Variants in PGD observed in about 807,000 individuals in gnomAD.
PGD encodes phosphogluconate dehydrogenase, also known as 6-phosphogluconate dehydrogenase, decarboxylating.
In PGD, 21 loss-of-function variants were observed where a neutral mutation model predicts 60.4. That is an observed-to-expected ratio of 0.35 (90% CI 0.25 to 0.50). The LOEUF (loss-of-function observed/expected upper bound fraction) is 0.50, where lower values mean the gene tolerates loss of function less well. PGD is among the 20% of genes least tolerant of loss of function. The pLI, the probability that PGD is intolerant of heterozygous loss-of-function variation, is 0.98. For synonymous variants in PGD, 230 were observed against 235.9 expected, an observed-to-expected ratio of 0.97 and a Z score of 0.23; for missense variants, 477 against 613.1, an observed-to-expected ratio of 0.78 and a Z score of 2.34.
At chr1:10,405,448 A>G (rs1410424279) in intron 5 of PGD, among the ~76,000 whole-genome samples, 1 of 151,578 alleles carries the variant, frequency 6.6e-6, no homozygotes, top group African/African-American at 2.4e-5. Flanking sequence ...AATTGTGGGC[A>G]ATCCGATATA....
rs70997229 is a variant in PGD at position 10,420,389 on chromosome 1, CTTTTTTTT to C, written c.*657_*664del. Among the ~76,000 whole-genome samples, 5 of 75,060 alleles carry C rather than the reference CTTTTTTTT, an allele frequency of 6.7e-5. No individual in the cohort carries two copies. The highest frequency in any genetic ancestry group is 6.2e-4 in the South Asian group (1 of 1,618). The allele number at this position is 75,060 out of a possible 152,430, so 49.2% of individuals were successfully genotyped here. A position where few individuals can be genotyped will look rare whatever the true frequency, so the allele number is the denominator to read the frequency against. ...CACTGTAACGTGCTTTTTCTTTCGT[CTTTTTTTT>C]TTTTTTTTTTTTTTTTGCTCCTGGC... On this transcript the variant is annotated 3_prime_UTR_variant, in exon 13 of 13. Coordinates refer to ENST00000270776, the MANE Select transcript of PGD (RefSeq NM_002631.4).
At chr1:10,411,603 T>C (rs1485806158) in intron 7 of PGD, 51 bp downstream of exon 7, 2 of 1,607,814 alleles carry the variant, frequency 1.2e-6, no homozygotes, top group African/African-American at 2.7e-5. Context: ...GTGCTCACTT[T>C]GCCACAGACA....
intron 3 of PGD, among the ~76,000 whole-genome samples, chr1:10,401,391 G>A (rs1036855938): frequency 1.3e-5 from 2 of 152,130 alleles, no homozygotes; most frequent in Admixed American, 1.3e-4. Context: ...AAAAACCCAG[G>A]CACTCCCATT....
At chr1:10,417,322 A>G in intron 9 of PGD, 54 bp from the exon 10 acceptor site, 1 of 1,549,442 alleles carries the variant, frequency 6.5e-7, no homozygotes, top group East Asian at 2.3e-5. Context: ...TGGTAGACAT[A>G]AGGCGGTCAC....
At chr1:10,412,793 GCA>G (rs1639520843) in intron 7 of PGD, 2 of 386,502 alleles carry the variant, frequency 5.2e-6, no homozygotes. Context: ...AGGCGACACT[GCA>G]CAGAGACCTA....
intron 5 of PGD, among the ~76,000 whole-genome samples, chr1:10,406,167 T>C (rs553632974): frequency 2.6e-5 from 4 of 152,270 alleles, no homozygotes; most frequent in African/African-American, 9.6e-5. Context: ...ATAATTTTTT[T>C]AATTACCTTT....
At chr1:10,399,435 G>C (rs1043698620) in intron 1 of PGD, 194 bp from the exon 2 acceptor site, 4 of 466,514 alleles carry the variant, frequency 8.6e-6, no homozygotes, top group Non-Finnish European at 1.4e-5. Flanking sequence ...GGAGCCGGGC[G>C]CGAGGGCGGG....
At chr1:10,414,021 A>C (rs1019505997) in intron 8 of PGD, among the ~76,000 whole-genome samples, 4 of 152,168 alleles carry the variant, frequency 2.6e-5, no homozygotes, top group African/African-American at 9.7e-5. Flanking sequence ...ATGCCACTGC[A>C]CTCCAGCCTG....
Position 10,406,514 on chromosome 1 carries a change from G to T in PGD, c.450-1557G>T, listed in dbSNP as rs72867464. Among the ~76,000 whole-genome samples the T allele has an allele frequency of 3.2e-3, 484 of 152,270 alleles. 4 individuals carry two copies. Among genetic ancestry groups the T allele is most frequent in the African/African-American group, 0.011 (469 of 41,548 alleles). On this transcript the variant is annotated intron_variant, in intron 5 of 12. Transcript: ENST00000270776. Reference sequence around the variant, plus strand: ...TGGAGTGCTCCAGTTGTTTCCATCAGTTCTCTTTCCTCATACTGTGGTGGC... The same window carrying T: ...TGGAGTGCTCCAGTTGTTTCCATCATTTCTCTTTCCTCATACTGTGGTGGC...
intron 4 of PGD, 72 bp downstream of exon 4, chr1:10,403,208 G>A: frequency 9.8e-7 from 1 of 1,023,364 alleles, no homozygotes; most frequent in Non-Finnish European, 1.6e-6. Context: ...CATCGCATAT[G>A]TGACAGTAGG....
intron 9 of PGD, 77 bp from the exon 10 acceptor site, chr1:10,417,299 A>G: frequency 2.0e-6 from 3 of 1,495,324 alleles, no homozygotes; most frequent in Non-Finnish European, 2.7e-6. Flanking sequence ...TCCACTGCTG[A>G]TGAGAATAAG....
At chr1:10,399,857 C>G (rs964742505) in intron 2 of PGD, 153 bp downstream of exon 2, 6 of 674,690 alleles carry the variant, frequency 8.9e-6, no homozygotes, top group Non-Finnish European at 1.3e-5. Flanking sequence ...GGAGAAGCAC[C>G]CTGTAGGCGT....
intron 5 of PGD, 80 bp downstream of exon 5, chr1:10,404,359 C>A: frequency 1.2e-6 from 1 of 803,268 alleles, no homozygotes; most frequent in South Asian, 2.0e-5. Flanking sequence ...GCAGTTCTGC[C>A]ACCCTGATCT....
intron 8 of PGD, chr1:10,415,531 C>G (rs559257279): frequency 6.6e-6 from 1 of 152,326 alleles, no homozygotes; most frequent in Non-Finnish European, 1.5e-5. Context: ...TGCCCTCTCC[C>G]CCTCTAACAG....
Position 10,419,860 on chromosome 1 carries a change from G to C in PGD, c.*111G>C. The C allele has an allele frequency of 7.7e-7, 1 of 1,290,472 alleles. No individual in the cohort carries two copies. The highest frequency in any genetic ancestry group is 1.1e-6 in the Non-Finnish European group (1 of 919,692). The allele number at this position is 1,290,472 out of a possible 1,614,324, so 79.9% of individuals were successfully genotyped here. Reference sequence around the variant, plus strand: ...ATTTTCTGTTCAGTTTTTTAAAAGTGTTGTAAGAGACTCCTGAGGAAGACA... The same window carrying C: ...ATTTTCTGTTCAGTTTTTTAAAAGTCTTGTAAGAGACTCCTGAGGAAGACA... On this transcript the variant is annotated 3_prime_UTR_variant, in exon 13 of 13. Transcript: ENST00000270776.
chr1:10,400,697 G>A, intron 3 of PGD, 125 bp downstream of exon 3: 1 of 707,730 alleles, frequency 1.4e-6, no homozygotes, highest in Non-Finnish European at 2.3e-6. Flanking sequence ...CTGACCAAAT[G>A]ATTGCTTAAC....
At chr1:10,415,936 G>A (rs1489936161) in intron 8 of PGD, among the ~76,000 whole-genome samples, 1 of 151,808 alleles carries the variant, frequency 6.6e-6, no homozygotes, top group East Asian at 1.9e-4. Context: ...ACTGAAAACC[G>A]TAAAATATAA....
chr1:10,401,538 A>G (rs987356273), intron 3 of PGD, among the ~76,000 whole-genome samples: 1 of 152,186 alleles, frequency 6.6e-6, no homozygotes, highest in Admixed American at 6.5e-5. Context: ...ACTGTTTTTC[A>G]ATCAAATGAC....
chr1:10,407,171 G>A (rs758915392), intron 5 of PGD, among the ~76,000 whole-genome samples: 5 of 152,178 alleles, frequency 3.3e-5, no homozygotes, highest in Non-Finnish European at 7.3e-5. Flanking sequence ...AAATTAGCCA[G>A]GCATGGTGGC....
Sources: gnomAD v4.1 joint callset for allele counts (sites outside exome capture counted in the v4.1 genomes callset) on GRCh38, gnomAD v4.1.1 for gene constraint, MANE v1.5 for transcripts, NCBI Gene and HGNC (gene_info 2026-07-23, HGNC 2026-07-21) for gene names.